GRM8: variants seen among roughly 807,000 people sequenced by gnomAD.
GRM8 encodes glutamate metabotropic receptor 8.
GRM8 carries 47 observed loss-of-function variants against 87.2 expected under a neutral mutation model. The ratio of observed to expected loss-of-function variants is 0.54; its 90% CI spans 0.43 to 0.69. The LOEUF is 0.69. Ranked by LOEUF, GRM8 falls within the 30% of genes least tolerant of loss-of-function variation. GRM8 has a pLI of 0.00. For missense variants in GRM8, 1,019 were observed against 1,139.2 expected (o/e 0.89, Z 1.52); for synonymous variants, 396 against 404.5 (o/e 0.98, Z 0.25).
At chr7:127,050,070 T>C (rs1819319337) in intron 3 of GRM8, among the ~76,000 whole-genome samples, 3 of 152,194 alleles carry the variant, frequency 2.0e-5, no homozygotes, top group Admixed American at 1.3e-4. Context: ...TTTTTAGCAG[T>C]AGAATGGCAT....
At chr7:126,927,540 T>A (rs1363788174) in intron 3 of GRM8, among the ~76,000 whole-genome samples, 1 of 151,796 alleles carries the variant, frequency 6.6e-6, no homozygotes, top group African/African-American at 2.4e-5. Flanking sequence ...AACAACCCCA[T>A]CAAAAAGTGG....
chr7:126,878,688 T>C (rs1394707315), intron 6 of GRM8, among the ~76,000 whole-genome samples: 1 of 151,880 alleles, frequency 6.6e-6, no homozygotes, highest in Non-Finnish European at 1.5e-5. Context: ...CCTGGCTAAT[T>C]TATTTGTGCT....
chr7:127,131,332 T>A (rs759441564), intron 2 of GRM8, among the ~76,000 whole-genome samples: 1 of 152,210 alleles, frequency 6.6e-6, no homozygotes, highest in East Asian at 1.9e-4. Context: ...GCCAGAATCA[T>A]GTGCAAAATC....
At chr7:127,168,388 C>T (rs940618374) in intron 2 of GRM8, among the ~76,000 whole-genome samples, 1 of 152,102 alleles carries the variant, frequency 6.6e-6, no homozygotes, top group African/African-American at 2.4e-5. Flanking sequence ...AATACGAATG[C>T]TTTTACACTG....
intron 7 of GRM8, among the ~76,000 whole-genome samples, chr7:126,677,681 C>T (rs956921061): frequency 6.6e-6 from 1 of 152,084 alleles, no homozygotes; most frequent in Non-Finnish European, 1.5e-5. Flanking sequence ...GTATAATAGA[C>T]ATTGGAGGCT....
chr7:126,865,656 G>A lies in GRM8; in HGVS notation c.1156+36886C>T, dbSNP rs974414355. ...CCTCTTTATAGATGCACCCATTCTG[G>A]ATATTCCATATAAATGGACTCATAA... is the stretch of plus-strand genomic sequence containing the variant. On this transcript the variant is annotated intron_variant, in intron 6 of 10. Transcript: ENST00000339582. Among the ~76,000 whole-genome samples, 7 of 152,148 alleles carry A rather than the reference G, an allele frequency of 4.6e-5. No individual in the cohort carries two copies. The South Asian group carries it at 1.0e-3, about 23-fold the overall frequency.
intron 7 of GRM8, among the ~76,000 whole-genome samples, chr7:126,643,998 T>A (rs1250371605): frequency 6.6e-6 from 1 of 152,194 alleles, no homozygotes; most frequent in Non-Finnish European, 1.5e-5. Context: ...TGAATAAATG[T>A]ATGAAAAAGT....
intron 8 of GRM8, among the ~76,000 whole-genome samples, chr7:126,546,128 A>G (rs1416948059): frequency 6.6e-6 from 1 of 152,216 alleles, no homozygotes; most frequent in East Asian, 1.9e-4. Context: ...GATGATAATA[A>G]TAGTAATAAT....
chr7:127,017,903 A>T (rs535013776), intron 3 of GRM8, among the ~76,000 whole-genome samples: 22 of 152,200 alleles, frequency 1.4e-4, no homozygotes, highest in African/African-American at 5.3e-4. Flanking sequence ...GCATTTTTTT[A>T]AAAAAGAAAA....
intron 2 of GRM8, among the ~76,000 whole-genome samples, chr7:127,217,547 G>C (rs560095663): frequency 1.2e-4 from 18 of 152,290 alleles, no homozygotes; most frequent in African/African-American, 4.3e-4. Flanking sequence ...AAATATCAAA[G>C]TCCTGTTTCA....
intron 6 of GRM8, among the ~76,000 whole-genome samples, chr7:126,837,470 A>G (rs1795909314): frequency 6.6e-6 from 1 of 152,256 alleles, no homozygotes; most frequent in South Asian, 2.1e-4. Context: ...TATACTTTAA[A>G]AGCCAAGATG....
At chr7:127,216,530 A>C (rs1587299058) in intron 2 of GRM8, among the ~76,000 whole-genome samples, 1 of 150,538 alleles carries the variant, frequency 6.6e-6, no homozygotes, top group African/African-American at 2.4e-5. Flanking sequence ...AAAAAAAAAA[A>C]AAAACAAAAA....
chr7:127,055,754 G>A (rs11563760), intron 3 of GRM8, among the ~76,000 whole-genome samples: 12,119 of 151,802 alleles, frequency 0.08, 526 homozygotes, highest in South Asian at 0.13. Context: ...AGATTCTACT[G>A]TTTCAAATGT....
chr7:127,165,810 C>T (rs1793419922), intron 2 of GRM8, among the ~76,000 whole-genome samples: 1 of 152,118 alleles, frequency 6.6e-6, no homozygotes, highest in Non-Finnish European at 1.5e-5. Flanking sequence ...CTTCTTTATT[C>T]TCTTTGCTGC....
chr7:127,033,380 T>A (rs17866398), intron 3 of GRM8, among the ~76,000 whole-genome samples: 292 of 152,180 alleles, frequency 1.9e-3, no homozygotes, highest in African/African-American at 6.7e-3. Flanking sequence ...ATGGCCCCTA[T>A]GTCAGATTAG....
intron 3 of GRM8, among the ~76,000 whole-genome samples, chr7:127,099,188 T>C (rs1487299202): frequency 6.6e-6 from 1 of 152,198 alleles, no homozygotes; most frequent in Non-Finnish European, 1.5e-5. Flanking sequence ...TCCTTTATTA[T>C]AATGTCAATG....
intron 8 of GRM8, among the ~76,000 whole-genome samples, chr7:126,550,296 G>A (rs1298378269): frequency 3.3e-5 from 5 of 151,900 alleles, no homozygotes; most frequent in East Asian, 3.9e-4. Flanking sequence ...TGTATTTTTA[G>A]TAGAGATGGG....
intron 3 of GRM8, among the ~76,000 whole-genome samples, chr7:126,941,476 C>T (rs1264792127): frequency 3.3e-5 from 5 of 150,726 alleles, no homozygotes; most frequent in Admixed American, 2.6e-4. Flanking sequence ...AAATATTAGC[C>T]GGGAGTGGTG....
chr7:126,811,383 T>A (rs575201935), intron 6 of GRM8, among the ~76,000 whole-genome samples: 1 of 152,118 alleles, frequency 6.6e-6, no homozygotes, highest in South Asian at 2.1e-4. Context: ...GTTTTAGGAT[T>A]TTTTTTCTAA....
Sources: gnomAD v4.1 joint callset for allele counts (sites outside exome capture counted in the v4.1 genomes callset) on GRCh38, gnomAD v4.1.1 for gene constraint, MANE v1.5 for transcripts, NCBI Gene and HGNC (gene_info 2026-07-23, HGNC 2026-07-21) for gene names.